The following RELN variants were observed in gnomAD, a reference collection of about 807,000 sequenced individuals.
RELN encodes the protein reelin.
A neutral mutation model predicts 427.6 loss-of-function variants in RELN; 108 were observed. The ratio of observed to expected loss-of-function variants is 0.25; its 90% CI spans 0.22 to 0.30. The LOEUF is 0.30. RELN is among the 10% of genes least tolerant of loss of function. RELN has a pLI of 1.00. For missense variants in RELN, 3,715 were observed against 4,302.8 expected (o/e 0.86, Z 3.82); for synonymous variants, 1,524 against 1,513.4 (o/e 1.01, Z -0.16).
chr7:103,590,453 C>T (rs895317128), intron 27 of RELN, among the ~76,000 whole-genome samples: 3 of 151,768 alleles, frequency 2.0e-5, no homozygotes, highest in East Asian at 1.9e-4. Context: ...CCCAGCTACT[C>T]GGGAGGCTGA....
Position 103,519,394 on chromosome 7 carries a change from T to A in RELN, c.7791A>T (p.Glu2597Asp). 1 of 1,614,070 alleles carries A rather than the reference T, an allele frequency of 6.2e-7. No individual in the cohort carries two copies. The highest frequency in any genetic ancestry group is 8.5e-7 in the Non-Finnish European group (1 of 1,179,922). ...AGGTAATGCCTCCATTGACAGAATA[T>A]TCCAAGAGAACACCTTGGTTACGGT... is the stretch of plus-strand genomic sequence containing the variant. Reference protein sequence around the residue: ...PNNRNQGVLLEYSVNGGITWN... With the variant: ...PNNRNQGVLLDYSVNGGITWN... Residue 2597 changes from glutamate (E) to aspartate (D), a missense_variant, in exon 49 of 65, where the codon GAA becomes GAT. This residue lies in a region of RELN where 1,310 missense variants were observed against 1,643.0 expected (regional missense o/e 0.80). Coordinates refer to ENST00000428762, the MANE Select transcript of RELN (RefSeq NM_005045.4).
Position 103,639,355 on chromosome 7 carries a change from A to G in RELN, c.2069+1188T>C, listed in dbSNP as rs946985545. ...AAAAGCCACACTAATCTCAATGTCA[A>G]CAAGCGCTTGGCTCATACATGCAAT... is the stretch of plus-strand genomic sequence containing the variant. On this transcript the variant is annotated intron_variant, in intron 17 of 64. Transcript: ENST00000428762. Among the ~76,000 whole-genome samples the G allele has an allele frequency of 2.0e-5, 3 of 152,044 alleles. No homozygotes were observed. The South Asian group carries it at 6.2e-4, about 32-fold the overall frequency.
At chr7:103,576,766 T>C (rs1831012116) in intron 28 of RELN, among the ~76,000 whole-genome samples, 1 of 152,192 alleles carries the variant, frequency 6.6e-6, no homozygotes, top group South Asian at 2.1e-4. Flanking sequence ...CAGTTTTAAC[T>C]GCCAAAGAAC....
rs528806754 is a variant in RELN, at chr7:103,771,682, G to C, written c.544+4875C>G. On this transcript the variant is annotated intron_variant, in intron 4 of 64. Transcript: ENST00000428762. ...AGTCACCCAGGCCAAAAGTGACGGA[G>C]TAGCCCCAGATTTCCTCCCTGTTCT... is the stretch of plus-strand genomic sequence containing the variant. Among the ~76,000 whole-genome samples, 5 of 152,254 alleles carry C rather than the reference G, an allele frequency of 3.3e-5. No homozygotes were observed. The South Asian group carries it at 1.0e-3, about 32-fold the overall frequency.
intron 16 of RELN, among the ~76,000 whole-genome samples, chr7:103,644,525 G>T (rs114059837): frequency 6.7e-6 from 1 of 149,190 alleles, no homozygotes; most frequent in Non-Finnish European, 1.5e-5. Flanking sequence ...CCAAGCAGAA[G>T]AAATAATCTC....
Position 103,925,982 on chromosome 7 carries a change from T to C in RELN, c.227-8797A>G, listed in dbSNP as rs77908213. Among the ~76,000 whole-genome samples, 287 of 152,236 alleles carry C rather than the reference T, an allele frequency of 1.9e-3. 5 individuals carry two copies. The East Asian group carries it at 0.045, about 24-fold the overall frequency. On this transcript the variant is annotated intron_variant, in intron 1 of 64. Transcript: ENST00000428762. The stretch of plus-strand genomic sequence containing the variant: ...TTTTCTGTTTCTATTATGTTTTTTT[T>C]ACGTTGTTTTGACCAAAGCTAACTA...
chr7:103,980,633 T>G (rs1796971347), intron 1 of RELN, among the ~76,000 whole-genome samples: 1 of 152,224 alleles, frequency 6.6e-6, no homozygotes, highest in Non-Finnish European at 1.5e-5. Context: ...TGACTCAGTT[T>G]ATGCACGCAT....
chr7:103,538,467 T>A (rs1353913255), intron 45 of RELN, among the ~76,000 whole-genome samples: 1 of 152,062 alleles, frequency 6.6e-6, no homozygotes, highest in Non-Finnish European at 1.5e-5. Context: ...TATGTGTGAG[T>A]GTACACATGC....
intron 6 of RELN, among the ~76,000 whole-genome samples, chr7:103,740,051 T>C (rs946591158): frequency 6.6e-6 from 1 of 152,084 alleles, no homozygotes. Flanking sequence ...CAGGAACAGA[T>C]AGATGGCTGG....
intron 28 of RELN, among the ~76,000 whole-genome samples, chr7:103,580,722 C>G (rs1392840264): frequency 6.6e-6 from 1 of 152,174 alleles, no homozygotes; most frequent in African/African-American, 2.4e-5. Context: ...ATTTATCCCT[C>G]ACCTTCCTCC....
intron 1 of RELN, among the ~76,000 whole-genome samples, chr7:103,985,721 A>G (rs1797083445): frequency 6.6e-6 from 1 of 152,200 alleles, no homozygotes; most frequent in Admixed American, 6.5e-5. Context: ...ATTGGGGGCA[A>G]GGCGAGGAGT....
intron 16 of RELN, among the ~76,000 whole-genome samples, chr7:103,644,662 G>A (rs2117372475): frequency 6.6e-6 from 1 of 151,746 alleles, no homozygotes; most frequent in East Asian, 1.9e-4. Context: ...TGAGTCAAAG[G>A]TATTACCGAG....
intron 10 of RELN, among the ~76,000 whole-genome samples, chr7:103,687,052 C>A (rs925013338): frequency 6.6e-6 from 1 of 151,960 alleles, no homozygotes. Context: ...TCATTAATTT[C>A]TGGATTCATT....
At chr7:103,583,448 T>C (rs1375443752) in intron 28 of RELN, among the ~76,000 whole-genome samples, 1 of 152,184 alleles carries the variant, frequency 6.6e-6, no homozygotes, top group Non-Finnish European at 1.5e-5. Flanking sequence ...CTTACTGTAT[T>C]CCTTACAATA....
chr7:103,942,192 G>C (rs1363089039), intron 1 of RELN, among the ~76,000 whole-genome samples: 1 of 152,014 alleles, frequency 6.6e-6, no homozygotes, highest in Non-Finnish European at 1.5e-5. Context: ...AATTTTCAAG[G>C]ATACAATAAT....
chr7:103,564,559 G>A (rs1024598316), intron 34 of RELN, among the ~76,000 whole-genome samples: 12 of 152,158 alleles, frequency 7.9e-5, no homozygotes, highest in African/African-American at 2.7e-4. Flanking sequence ...GCAGAAAGAG[G>A]GGGGAGGAAC....
intron 3 of RELN, among the ~76,000 whole-genome samples, chr7:103,812,858 T>G (rs182977999): frequency 9.9e-4 from 151 of 152,314 alleles, no homozygotes; most frequent in Non-Finnish European, 1.6e-3. Context: ...AGGCCTCTTT[T>G]GTCATTACTG....
intron 22 of RELN, among the ~76,000 whole-genome samples, chr7:103,604,804 G>A (rs895247517): frequency 4.0e-5 from 6 of 150,170 alleles, no homozygotes; most frequent in Non-Finnish European, 3.0e-5. Flanking sequence ...AAAAAATAAA[G>A]ACATCTACTA....
Position 103,611,536 on chromosome 7 carries a change from A to ATTTT in RELN, c.2895+71_2895+74dup, listed in dbSNP as rs10673432. The ATTTT allele has an allele frequency of 1.6e-3, 1,551 of 945,212 alleles. 1 individual carries two copies. The highest frequency in any genetic ancestry group is 2.3e-3 in the African/African-American group (132 of 57,992). 58.6% of individuals were successfully genotyped at this position (945,212 alleles called of 1,614,324 possible). A position where few individuals can be genotyped will look rare whatever the true frequency, so the allele number is the denominator to read the frequency against. ...CCAAACCTAAACTTCTAGAACTGTA[A>ATTTT]TTTTTTTTTTTTTTGGCTTCCTAGG... On this transcript the variant is annotated intron_variant, in intron 21 of 64. Transcript: ENST00000428762.
Sources: allele counts gnomAD v4.1 joint callset (sites outside exome capture counted in the v4.1 genomes callset), GRCh38; gene constraint gnomAD v4.1.1; regional missense constraint gnomAD v4.1.1; transcripts MANE v1.5; gene names NCBI Gene and HGNC (gene_info 2026-07-23, HGNC 2026-07-21).